The following ATP8B4 variants were observed in gnomAD, a reference collection of about 807,000 sequenced individuals.
The protein encoded by ATP8B4 is probable phospholipid-transporting ATPase IM.
In ATP8B4, 133 loss-of-function variants were observed where a neutral mutation model predicts 145.6. The ratio of observed to expected loss-of-function variants is 0.91; its 90% CI spans 0.79 to 1.05. The LOEUF (loss-of-function observed/expected upper bound fraction) is 1.05. Among genes scored for constraint, ATP8B4 ranks in the 50% least tolerant of loss-of-function variants. The probability of loss-of-function intolerance (pLI) is 0.00; values close to 1 mark genes in which losing one functional copy is unlikely to be tolerated. For missense variants in ATP8B4, 1,458 were observed against 1,425.2 expected, an observed-to-expected ratio of 1.02 and a Z score of -0.37; for synonymous variants, 507 against 492.9, an observed-to-expected ratio of 1.03 and a Z score of -0.38.
At chr15:50,128,299 T>C (rs1198756352) in intron 1 of ATP8B4, among the ~76,000 whole-genome samples, 1 of 152,128 alleles carries the variant, frequency 6.6e-6, no homozygotes, top group African/African-American at 2.4e-5. Context: ...ACATGGAAAA[T>C]CTAGGCTAAG....
At chr15:50,009,584 A>G (rs1002479737) in intron 7 of ATP8B4, 1 of 414,892 alleles carries the variant, frequency 2.4e-6, no homozygotes, top group Non-Finnish European at 4.8e-6. Flanking sequence ...TTCCCCATCT[A>G]GTGCCCTTAC....
chr15:49,900,203 T>C (rs913129395), intron 21 of ATP8B4, among the ~76,000 whole-genome samples: 4 of 152,210 alleles, frequency 2.6e-5, no homozygotes, highest in African/African-American at 7.2e-5. Context: ...TTCCATGGTG[T>C]AGAAGGCAAC....
intron 14 of ATP8B4, among the ~76,000 whole-genome samples, chr15:49,934,716 T>C (rs569744603): frequency 4.6e-5 from 7 of 152,200 alleles, no homozygotes; most frequent in African/African-American, 1.7e-4. Context: ...CACCATATTG[T>C]CTTTCTACAA....
intron 1 of ATP8B4, among the ~76,000 whole-genome samples, chr15:50,149,030 A>AT (rs1252236021): frequency 1.3e-5 from 2 of 152,358 alleles, no homozygotes; most frequent in Non-Finnish European, 2.9e-5. Flanking sequence ...ACATCATGCT[A>AT]TTTTTAAAGC....
intron 23 of ATP8B4, among the ~76,000 whole-genome samples, chr15:49,886,869 G>A (rs1045470672): frequency 7.9e-5 from 12 of 151,924 alleles, no homozygotes; most frequent in Admixed American, 6.6e-4. Context: ...GAGTGCAGTG[G>A]CACAATCTCG....
intron 23 of ATP8B4, among the ~76,000 whole-genome samples, chr15:49,881,027 G>A (rs2035312684): frequency 6.6e-6 from 1 of 152,126 alleles, no homozygotes; most frequent in African/African-American, 2.4e-5. Flanking sequence ...CAGGAGAGTG[G>A]CATGAACCCG....
chr15:50,084,138 C>A (rs1409580248), intron 2 of ATP8B4, among the ~76,000 whole-genome samples: 1 of 152,122 alleles, frequency 6.6e-6, no homozygotes, highest in Non-Finnish European at 1.5e-5. Context: ...GACTACACCA[C>A]CGTGATGTAA....
chr15:50,087,819 A>G (rs2153652846), intron 2 of ATP8B4, among the ~76,000 whole-genome samples: 1 of 152,260 alleles, frequency 6.6e-6, no homozygotes, highest in African/African-American at 2.4e-5. Context: ...GAAAAACTGA[A>G]TTATCTAAGT....
At chr15:49,971,086 G>A (rs2045078855) in intron 13 of ATP8B4, among the ~76,000 whole-genome samples, 1 of 152,098 alleles carries the variant, frequency 6.6e-6, no homozygotes, top group Admixed American at 6.6e-5. Context: ...AACTGTAACT[G>A]GACCCCTTCC....
Position 49,967,359 on chromosome 15 carries a change from A to C in ATP8B4, c.1243+5223T>G, listed in dbSNP as rs527477945. 3.4e-4 allele frequency among the ~76,000 whole-genome samples: 52 copies of C among 152,330 alleles called. No individual in the cohort carries two copies. The South Asian group carries it at 0.011, about 31-fold the overall frequency. On this transcript the variant is annotated intron_variant, in intron 13 of 27. Coordinates refer to ENST00000284509, the MANE Select transcript of ATP8B4 (RefSeq NM_024837.4). ...AACATGTTCTAACCCAATGCAAGGAAGCTAAGAACTTTGTAAAAAGGTTAG... is the reference window on the plus strand; with the variant it reads ...AACATGTTCTAACCCAATGCAAGGACGCTAAGAACTTTGTAAAAAGGTTAG...
intron 13 of ATP8B4, among the ~76,000 whole-genome samples, chr15:49,971,834 C>A (rs887916997): frequency 2.0e-5 from 3 of 152,128 alleles, no homozygotes; most frequent in Non-Finnish European, 4.4e-5. Flanking sequence ...ATGTTTACTG[C>A]AGCACTATTC....
intron 8 of ATP8B4, 139 bp downstream of exon 8, chr15:50,002,014 A>G (rs1332670018): frequency 3.2e-6 from 2 of 624,176 alleles, no homozygotes; most frequent in Non-Finnish European, 5.4e-6. Flanking sequence ...ATTACTGTAG[A>G]GTAATTAACT....
chr15:50,177,330 T>A (rs955197272), intron 1 of ATP8B4, among the ~76,000 whole-genome samples: 11 of 152,174 alleles, frequency 7.2e-5, no homozygotes, highest in Non-Finnish European at 1.6e-4. Flanking sequence ...AGACTCAAAA[T>A]CAGGTCTTCT....
intron 14 of ATP8B4, among the ~76,000 whole-genome samples, chr15:49,945,421 T>A (rs2042483219): frequency 6.6e-6 from 1 of 152,160 alleles, no homozygotes; most frequent in Admixed American, 6.6e-5. Context: ...TGGTGAATTC[T>A]ACCAAACATG....
At chr15:49,929,738 G>T (rs1382014024) in intron 16 of ATP8B4, among the ~76,000 whole-genome samples, 2 of 152,002 alleles carry the variant, frequency 1.3e-5, no homozygotes, top group Non-Finnish European at 2.9e-5. Context: ...ACAGGAGCCA[G>T]AAAGTTTACA....
intron 9 of ATP8B4, among the ~76,000 whole-genome samples, chr15:49,996,386 A>G (rs1475280962): frequency 6.6e-6 from 1 of 152,086 alleles, no homozygotes; most frequent in Non-Finnish European, 1.5e-5. Context: ...AAGTCTGTAT[A>G]TGGCTTCAGG....
chr15:50,103,169 CCT>C (rs1215402847), intron 2 of ATP8B4, among the ~76,000 whole-genome samples: 3 of 151,996 alleles, frequency 2.0e-5, no homozygotes, highest in African/African-American at 7.2e-5. Context: ...AAGCATTCCC[CCT>C]GAGAACTGGA....
At chr15:50,015,646 C>T (rs748475555) in intron 6 of ATP8B4, among the ~76,000 whole-genome samples, 7 of 152,194 alleles carry the variant, frequency 4.6e-5, no homozygotes, top group Non-Finnish European at 1.0e-4. Context: ...TCCCCTGACA[C>T]AAACACTCAG....
intron 6 of ATP8B4, among the ~76,000 whole-genome samples, chr15:50,037,664 C>T (rs1050927406): frequency 6.6e-6 from 1 of 152,194 alleles, no homozygotes; most frequent in South Asian, 2.1e-4. Context: ...TGATTCAAAA[C>T]CAGCTAACCT....
Sources: gnomAD v4.1 joint callset for allele counts (sites outside exome capture counted in the v4.1 genomes callset) on GRCh38, gnomAD v4.1.1 for gene constraint, MANE v1.5 for transcripts, NCBI Gene and HGNC (gene_info 2026-07-23, HGNC 2026-07-21) for gene names.